The following SPOCK1 variants were observed in gnomAD, a reference collection of about 807,000 sequenced individuals.
SPOCK1 encodes SPARC (osteonectin), cwcv and kazal like domains proteoglycan 1.
In SPOCK1, 23 loss-of-function variants were observed where a neutral mutation model predicts 55.3. The ratio of observed to expected loss-of-function variants is 0.42; its 90% confidence interval spans 0.30 to 0.59. The LOEUF (loss-of-function observed/expected upper bound fraction) is 0.59. SPOCK1 is among the 20% of genes least tolerant of loss of function. The probability of loss-of-function intolerance (pLI) is 0.22; values close to 1 mark genes in which losing one functional copy is unlikely to be tolerated. For synonymous variants in SPOCK1, 226 were observed against 221.0 expected (o/e 1.02, Z -0.20); for missense variants, 499 against 552.5 (o/e 0.90, Z 0.97).
At chr5:137,427,649 C>T (rs190470346) in intron 2 of SPOCK1, among the ~76,000 whole-genome samples, 2 of 152,274 alleles carry the variant, frequency 1.3e-5, no homozygotes, top group Non-Finnish European at 2.9e-5. Context: ...ATGGCTCACA[C>T]CTGTAATCCC....
chr5:137,475,049 C>A (rs1271309831), intron 2 of SPOCK1, among the ~76,000 whole-genome samples: 2 of 152,122 alleles, frequency 1.3e-5, no homozygotes, highest in Non-Finnish European at 2.9e-5. Flanking sequence ...ACTGAGCTAG[C>A]CGGCAGACAC....
At chr5:137,101,689 T>C (rs749388778) in intron 5 of SPOCK1, among the ~76,000 whole-genome samples, 4 of 152,244 alleles carry the variant, frequency 2.6e-5, no homozygotes, top group Non-Finnish European at 4.4e-5. Flanking sequence ...TGTCTGAACA[T>C]CTGTGCTTTC....
chr5:137,188,385 G>A (rs1561466046), intron 3 of SPOCK1, among the ~76,000 whole-genome samples: 2 of 152,162 alleles, frequency 1.3e-5, no homozygotes, highest in African/African-American at 4.8e-5. Flanking sequence ...AACAGCATGT[G>A]CTCACTTTGT....
intron 3 of SPOCK1, among the ~76,000 whole-genome samples, chr5:137,180,562 A>G (rs1580793715): frequency 6.6e-6 from 1 of 152,276 alleles, no homozygotes; most frequent in East Asian, 1.9e-4. Flanking sequence ...CCCTGCTACT[A>G]AGAGACTCAG....
chr5:137,421,080 G>T (rs1752482125), intron 2 of SPOCK1, among the ~76,000 whole-genome samples: 1 of 152,230 alleles, frequency 6.6e-6, no homozygotes, highest in East Asian at 1.9e-4. Context: ...GGAGCAGGTT[G>T]TTCAGTTTCC....
chr5:137,224,395 G>A (rs1755910914), intron 3 of SPOCK1, among the ~76,000 whole-genome samples: 1 of 152,194 alleles, frequency 6.6e-6, no homozygotes, highest in Non-Finnish European at 1.5e-5. Flanking sequence ...CTTGGAGTAA[G>A]TGACATGCTT....
At chr5:137,496,153 G>T (rs1037306643) in intron 2 of SPOCK1, among the ~76,000 whole-genome samples, 4 of 152,018 alleles carry the variant, frequency 2.6e-5, no homozygotes, top group African/African-American at 9.7e-5. Context: ...TAGTATGTTT[G>T]CTTAAAATAT....
At chr5:137,391,976 C>A (rs1263897973) in intron 2 of SPOCK1, among the ~76,000 whole-genome samples, 2 of 152,180 alleles carry the variant, frequency 1.3e-5, no homozygotes, top group African/African-American at 4.8e-5. Context: ...AAACTGCCCT[C>A]TCCAACACCT....
intron 2 of SPOCK1, among the ~76,000 whole-genome samples, chr5:137,347,464 T>C (rs1043077101): frequency 2.6e-5 from 4 of 152,152 alleles, no homozygotes. Flanking sequence ...ACATGGTGGC[T>C]CATGCCTGTA....
intron 2 of SPOCK1, among the ~76,000 whole-genome samples, chr5:137,475,631 GGA>G (rs1753823986): frequency 1.3e-5 from 2 of 152,024 alleles, no homozygotes; most frequent in African/African-American, 4.8e-5. Context: ...TGCCCAGGCT[GGA>G]GGGCTGTGGC....
intron 3 of SPOCK1, among the ~76,000 whole-genome samples, chr5:137,201,307 T>C (rs1166878890): frequency 6.6e-6 from 1 of 152,198 alleles, no homozygotes; most frequent in Non-Finnish European, 1.5e-5. Flanking sequence ...CAGCTGATAA[T>C]GAATCCACTA....
At chr5:137,439,003 C>T (rs1439494400) in intron 2 of SPOCK1, among the ~76,000 whole-genome samples, 1 of 152,204 alleles carries the variant, frequency 6.6e-6, no homozygotes, top group Non-Finnish European at 1.5e-5. Flanking sequence ...GAGTCAGATG[C>T]TGGTTCTACC....
chr5:137,341,783 T>C (rs987359022), intron 2 of SPOCK1, among the ~76,000 whole-genome samples: 1 of 152,186 alleles, frequency 6.6e-6, no homozygotes, highest in Non-Finnish European at 1.5e-5. Flanking sequence ...AACTCCATGT[T>C]TACAACGATG....
Position 137,079,533 on chromosome 5 carries a change from T to TCCCCC in SPOCK1, c.475-11709_475-11705dup, listed in dbSNP as rs59775905. On this transcript the variant is annotated intron_variant, in intron 5 of 10. Transcript: ENST00000394945. ...TGTCTCTCCTACCATCCCATCTGATTCCCCCCCCCCCCGACTTAGTGAAAT... is the reference window on the plus strand; with the variant it reads ...TGTCTCTCCTACCATCCCATCTGATTCCCCCCCCCCCCCCCCCGACTTAGTGAAAT... Among the ~76,000 whole-genome samples, 55 of 38,552 alleles carry TCCCCC rather than the reference T, an allele frequency of 1.4e-3. 1 individual carries two copies. The highest frequency in any genetic ancestry group is 3.9e-3 in the South Asian group (2 of 518). 25.3% of individuals were successfully genotyped at this position (38,552 alleles called of 152,430 possible).
In SPOCK1 at chr5:137,072,918, G is replaced by T. The variant is rs993230985; in HGVS notation, c.475-5089C>A. Among the ~76,000 whole-genome samples, 3 of 152,176 alleles carry T rather than the reference G, an allele frequency of 2.0e-5. No homozygotes were observed. The South Asian group carries it at 6.2e-4, about 32-fold the overall frequency. ...AGTAGGTGGAGGGGAGCAATCCTGA[G>T]GCTTTGCCGGCTTTAATAATTGGGC... On this transcript the variant is annotated intron_variant, in intron 5 of 10. Transcript: ENST00000394945.
chr5:137,148,776 C>G (rs1754255238), intron 3 of SPOCK1, among the ~76,000 whole-genome samples: 1 of 152,152 alleles, frequency 6.6e-6, no homozygotes, highest in African/African-American at 2.4e-5. Flanking sequence ...AAATGTTAAG[C>G]CTGTTTGTGG....
intron 9 of SPOCK1, 167 bp from the exon 10 acceptor site, chr5:136,979,636 C>T (rs1428276296): frequency 1.7e-5 from 13 of 747,590 alleles, no homozygotes; most frequent in Admixed American, 2.9e-5. Context: ...GGCCCTTAAC[C>T]TTTAGAGGCC....
At chr5:137,077,273 T>G (rs1474497470) in intron 5 of SPOCK1, among the ~76,000 whole-genome samples, 2 of 152,174 alleles carry the variant, frequency 1.3e-5, no homozygotes, top group Non-Finnish European at 2.9e-5. Context: ...CCTAGTCCAG[T>G]GCTATGTGTA....
chr5:136,998,296 T>C (rs556805600), intron 6 of SPOCK1, among the ~76,000 whole-genome samples: 7 of 152,354 alleles, frequency 4.6e-5, no homozygotes, highest in African/African-American at 1.7e-4. Flanking sequence ...TGTGGATAAG[T>C]TCCAGGATTG....
Sources: allele counts gnomAD v4.1 joint callset (sites outside exome capture counted in the v4.1 genomes callset), GRCh38; gene constraint gnomAD v4.1.1; transcripts MANE v1.5; gene names NCBI Gene and HGNC (gene_info 2026-07-23, HGNC 2026-07-21).